Variants in DNAJC13 observed in about 807,000 individuals in gnomAD.
DNAJC13 encodes DnaJ heat shock protein family (Hsp40) member C13.
In DNAJC13, 75 loss-of-function variants were observed where a neutral mutation model predicts 290.5. That is an observed-to-expected ratio of 0.26 (90% CI 0.21 to 0.31). The LOEUF is 0.31. Among genes scored for constraint, DNAJC13 ranks in the 10% least tolerant of loss-of-function variants. The probability of loss-of-function intolerance (pLI) is 1.00; values close to 1 mark genes in which losing one functional copy is unlikely to be tolerated. For synonymous variants in DNAJC13, 862 were observed against 892.0 expected (o/e 0.97, Z 0.60); for missense variants, 2,260 against 2,674.5 (o/e 0.85, Z 3.42).
intron 43 of DNAJC13, among the ~76,000 whole-genome samples, chr3:132,508,788 G>T (rs1055476002): frequency 3.3e-5 from 5 of 152,164 alleles, no homozygotes; most frequent in Non-Finnish European, 5.9e-5. Context: ...AAAAAATTAT[G>T]CTAAATCTGC....
intron 1 of DNAJC13, 118 bp from the exon 2 acceptor site, chr3:132,434,420 A>G (rs1939324842): frequency 4.8e-6 from 3 of 624,912 alleles, no homozygotes; most frequent in South Asian, 4.6e-5. Context: ...GGTCTTGTAA[A>G]GGATATACGG....
At chr3:132,425,738 C>G (rs1939072792) in intron 1 of DNAJC13, among the ~76,000 whole-genome samples, 1 of 152,074 alleles carries the variant, frequency 6.6e-6, no homozygotes, top group African/African-American at 2.4e-5. Flanking sequence ...AATGCCAATC[C>G]TTCTTTCACT....
rs78061049 is a variant in DNAJC13, at chr3:132,514,432, T to A, written c.5386-139T>A. 6.5e-3 allele frequency: 3,823 copies of A among 587,622 alleles called. 124 individuals are homozygous for A. The African/African-American group carries it at 0.065, about 10-fold the overall frequency. 36.4% of individuals were successfully genotyped at this position (587,622 alleles called of 1,614,324 possible). A position where few individuals can be genotyped will look rare whatever the true frequency, so the allele number is the denominator to read the frequency against. On this transcript the variant is annotated intron_variant, in intron 45 of 55. Coordinates refer to ENST00000260818, the MANE Select transcript of DNAJC13 (RefSeq NM_015268.4). ...CAAAGAGATTAATAAAGGCAATCTT[T>A]TAAAATTAAACTCTTATCTAAAAAC...
intron 48 of DNAJC13, among the ~76,000 whole-genome samples, chr3:132,518,419 C>T (rs189291319): frequency 5.8e-4 from 89 of 152,308 alleles, no homozygotes; most frequent in African/African-American, 2.0e-3. Flanking sequence ...GTGGTGCAAT[C>T]TTAGCTCACT....
Position 132,513,577 on chromosome 3 carries a change from T to A in DNAJC13, c.5385+478T>A, listed in dbSNP as rs1935840075. Among the ~76,000 whole-genome samples, 2 of 152,194 alleles carry A rather than the reference T, an allele frequency of 1.3e-5. 1 individual carries two copies. Among genetic ancestry groups the A allele is most frequent in the Non-Finnish European group, 2.9e-5 (2 of 68,036 alleles). On this transcript the variant is annotated intron_variant, in intron 45 of 55. Coordinates refer to ENST00000260818, the MANE Select transcript of DNAJC13 (RefSeq NM_015268.4). ...CAAATCTAGTACAAGAGCTACCTTT[T>A]CTGTGAGGGTTACAGACAGACACCT...
In DNAJC13 at chr3:132,538,367, G is replaced by A; in HGVS notation, c.*85G>A. ...TGATACGTTGAAGCAAACTCTTACT[G>A]CCTTTCTCCTGGTTTCATGACAGTG... On this transcript the variant is annotated 3_prime_UTR_variant, in exon 56 of 56. Transcript: ENST00000260818. 1.0e-6 allele frequency: 1 copy of A among 987,982 alleles called. No individual in the cohort carries two copies. The highest frequency in any genetic ancestry group is 1.5e-6 in the Non-Finnish European group (1 of 653,894). 61.2% of individuals were successfully genotyped at this position (987,982 alleles called of 1,614,324 possible). A position where few individuals can be genotyped will look rare whatever the true frequency, so the allele number is the denominator to read the frequency against.
chr3:132,535,288 A>G (rs1479204907), intron 55 of DNAJC13, among the ~76,000 whole-genome samples: 1 of 152,228 alleles, frequency 6.6e-6, no homozygotes, highest in Non-Finnish European at 1.5e-5. Flanking sequence ...TAAAAATTTT[A>G]AAGTCCTAGG....
intron 9 of DNAJC13, among the ~76,000 whole-genome samples, chr3:132,454,571 C>G (rs1204117197): frequency 6.6e-6 from 1 of 151,816 alleles, no homozygotes; most frequent in African/African-American, 2.4e-5. Context: ...AACTCCTGAC[C>G]TCAAGTGATC....
chr3:132,438,658 C>A (rs1932942905), intron 2 of DNAJC13, among the ~76,000 whole-genome samples: 2 of 152,172 alleles, frequency 1.3e-5, no homozygotes, highest in African/African-American at 4.8e-5. Context: ...GATAACCTGT[C>A]CAGGTATTCC....
intron 33 of DNAJC13, among the ~76,000 whole-genome samples, chr3:132,492,912 A>G (rs1427979328): frequency 6.6e-6 from 1 of 152,056 alleles, no homozygotes; most frequent in Non-Finnish European, 1.5e-5. Context: ...ATACTATAAT[A>G]CCTTGGTGGA....
At position 132,474,826 on chromosome 3, in the gene DNAJC13, C is replaced by CTT. The variant is rs796122164; in HGVS notation, c.2292-89_2292-88dup. On this transcript the variant is annotated intron_variant, in intron 21 of 55. Transcript: ENST00000260818. The stretch of plus-strand genomic sequence containing the variant: ...TGCTAAAATCTATTCCCCCCCCCCC[C>CTT]TTTTTTTTTTTTTTTTTTGCTTATT... The CTT allele has an allele frequency of 0.21, 9,790 of 46,694 alleles. 999 individuals are homozygous for CTT. The highest frequency in any genetic ancestry group is 0.26 in the African/African-American group (3,014 of 11,790). The allele number at this position is 46,694 out of a possible 1,614,324, so 2.9% of individuals were successfully genotyped here. A position where few individuals can be genotyped will look rare whatever the true frequency, so the allele number is the denominator to read the frequency against.
Position 132,456,705 on chromosome 3 carries a change from A to G in DNAJC13, c.1222A>G (p.Ile408Val), listed in dbSNP as rs1011988779. Residue 408 changes from isoleucine to valine, a missense_variant, in exon 12 of 56, where the codon ATA (isoleucine) becomes GTA (valine). Transcript: ENST00000260818. ...ENKEKLINNA[I>V]TALLSQEGDV... ...CAAAGAAAAACTGATCAATAATGCC[A>G]TAACAGCATTACTGTCCCAAGAAGG... The G allele has an allele frequency of 1.2e-6, 2 of 1,614,106 alleles. No homozygotes were observed. Among genetic ancestry groups the G allele is most frequent in the African/African-American group, 1.3e-5 (1 of 75,060 alleles).
chr3:132,498,990 A>C (rs1255903973), intron 36 of DNAJC13, 136 bp from the exon 37 acceptor site: 14 of 725,296 alleles, frequency 1.9e-5, no homozygotes, highest in Non-Finnish European at 2.4e-5. Context: ...TGCTGGGATT[A>C]CAGGCATGAG....
Position 132,446,534 on chromosome 3 carries a change from T to C in DNAJC13, c.128T>C (p.Leu43Ser). The C allele has an allele frequency of 6.2e-7, 1 of 1,604,916 alleles. No individual in the cohort carries two copies. Among genetic ancestry groups the C allele is most frequent in the Non-Finnish European group, 8.5e-7 (1 of 1,176,574 alleles). ...HAITTYNPNT[L>S]EVTNQWPYGD... The stretch of plus-strand genomic sequence containing the variant: ...ATTACTACATATAATCCCAATACCT[T>C]AGAAGTAACAAATCAGGTAATCCTG... The change falls in exon 3 of 56, where the codon TTA (leucine) becomes TCA (serine). Residue 43 changes from leucine (L) to serine (S), a missense_variant. By Grantham distance (145) the Leu-to-Ser change is moderately radical. Transcript: ENST00000260818.
At chr3:132,478,250 CT>C (rs1934539698) in intron 24 of DNAJC13, 110 bp downstream of exon 24, 1 of 913,360 alleles carries the variant, frequency 1.1e-6, no homozygotes, top group Admixed American at 3.1e-5. Flanking sequence ...CTGTAACTTT[CT>C]GCATTCATTT....
intron 20 of DNAJC13, among the ~76,000 whole-genome samples, chr3:132,468,817 T>G (rs1279682450): frequency 6.6e-6 from 1 of 152,164 alleles, no homozygotes; most frequent in Non-Finnish European, 1.5e-5. Context: ...AATTACAAGC[T>G]CCTGGCTTCA....
intron 22 of DNAJC13, 26 bp from the exon 23 acceptor site, chr3:132,477,763 A>G: frequency 6.5e-7 from 1 of 1,535,882 alleles, no homozygotes; most frequent in South Asian, 1.2e-5. Flanking sequence ...AAACTAAAAT[A>G]GTGTAATTTG....
At chr3:132,490,035 A>T (rs1446349741) in intron 31 of DNAJC13, among the ~76,000 whole-genome samples, 4 of 152,198 alleles carry the variant, frequency 2.6e-5, no homozygotes, top group Non-Finnish European at 4.4e-5. Context: ...ACAAGTCTGG[A>T]TGTATGAATT....
chr3:132,534,085 C>G (rs1936512879), intron 55 of DNAJC13, among the ~76,000 whole-genome samples: 2 of 152,136 alleles, frequency 1.3e-5, no homozygotes, highest in Non-Finnish European at 2.9e-5. Flanking sequence ...TTCTTCCCAT[C>G]CCTGAGCCGG....
Sources: allele counts gnomAD v4.1 joint callset (sites outside exome capture counted in the v4.1 genomes callset), GRCh38; gene constraint gnomAD v4.1.1; transcripts MANE v1.5; gene names NCBI Gene and HGNC (gene_info 2026-07-23, HGNC 2026-07-21).